Variants in RYR2 observed in about 807,000 individuals in gnomAD.
RYR2 encodes the protein cardiac muscle ryanodine receptor-calcium release channel.
A neutral mutation model predicts 601.1 loss-of-function variants in RYR2; 227 were observed. The ratio of observed to expected loss-of-function variants is 0.38; its 90% CI spans 0.34 to 0.42. The LOEUF (loss-of-function observed/expected upper bound fraction) is 0.42, where lower values mean the gene tolerates loss of function less well. RYR2 is among the 10% of genes least tolerant of loss of function. The pLI is 1.00. For synonymous variants in RYR2, 2,223 were observed against 2,175.1 expected (o/e 1.02, Z -0.61); for missense variants, 4,646 against 6,156.5 (o/e 0.75, Z 8.21).
In RYR2 at chr1:237,770,852, G is replaced by A. The variant is rs1553317322; in HGVS notation, c.11522G>A (p.Arg3841Gln). ...QDDEFTCDLFRFLQLLCEGHN... is the reference protein window; with the variant it reads ...QDDEFTCDLFQFLQLLCEGHN... The stretch of plus-strand genomic sequence containing the variant: ...GATGAGTTCACCTGTGACCTCTTCC[G>A]ATTCCTGCAACTACTCTGTGAGGGA... The change falls in exon 85 of 105, where the codon CGA becomes CAA. Residue 3841 changes from arginine (R) to glutamine (Q), a missense_variant. This residue lies in a region of RYR2 where 1,497 missense variants were observed against 1,842.6 expected (regional missense o/e 0.81). Coordinates refer to ENST00000366574, the MANE Select transcript of RYR2 (RefSeq NM_001035.3). 6.4e-7 allele frequency: 1 copy of A among 1,552,696 alleles called. No individual in the cohort carries two copies. The highest frequency in any genetic ancestry group is 8.7e-7 in the Non-Finnish European group (1 of 1,146,704).
chr1:237,414,927 T>C (rs1199996376), intron 10 of RYR2, among the ~76,000 whole-genome samples: 1 of 152,100 alleles, frequency 6.6e-6, no homozygotes, highest in Non-Finnish European at 1.5e-5. Context: ...GAGAGCCGCT[T>C]ACCTATGTCA....
chr1:237,220,000 T>C lies in RYR2; in HGVS notation c.49-50497T>C, dbSNP rs150007039. 6.9e-3 allele frequency among the ~76,000 whole-genome samples: 1,028 copies of C among 148,206 alleles called. 13 individuals are homozygous for C. The highest frequency in any genetic ancestry group is 0.021 in the African/African-American group (882 of 41,330). On this transcript the variant is annotated intron_variant, in intron 1 of 104. Transcript: ENST00000366574. Reference sequence around the variant, plus strand: ...GCATGCAAGTACTTTTAGCTGTGATTACTTGGTGTATAGTATGTTTGATTG... The same window carrying C: ...GCATGCAAGTACTTTTAGCTGTGATCACTTGGTGTATAGTATGTTTGATTG...
chr1:237,249,478 G>T (rs1228761429), intron 1 of RYR2, among the ~76,000 whole-genome samples: 1 of 152,100 alleles, frequency 6.6e-6, no homozygotes, highest in Admixed American at 6.6e-5. Flanking sequence ...AGTTTACAAA[G>T]GGCTTTCATA....
At chr1:237,070,209 T>C (rs1290313724) in intron 1 of RYR2, among the ~76,000 whole-genome samples, 3 of 151,962 alleles carry the variant, frequency 2.0e-5, no homozygotes, top group Admixed American at 6.6e-5. Flanking sequence ...GTTTAACTTT[T>C]TACCTTTCTA....
intron 4 of RYR2, among the ~76,000 whole-genome samples, chr1:237,362,857 A>G (rs1460682718): frequency 1.3e-5 from 2 of 152,110 alleles, no homozygotes; most frequent in African/African-American, 4.8e-5. Flanking sequence ...GCTATTTTTC[A>G]GTATTCATTC....
At chr1:237,333,914 ACCTCGTGTTGC>A (rs1696991941) in intron 3 of RYR2, among the ~76,000 whole-genome samples, 1 of 152,152 alleles carries the variant, frequency 6.6e-6, no homozygotes, top group African/African-American at 2.4e-5. Context: ...GTCAAAAAGA[ACCTCGTGTTGC>A]CCTGATTCCC....
At position 237,631,524 on chromosome 1, in the gene RYR2, G is replaced by A. The variant is rs1198954849; in HGVS notation, c.6538G>A (p.Gly2180Arg). ...GATGGAGGTCATGGTGAACGTCCTTGGAGGTGGAGAGTCCAAGGTAACGTC... is the reference window on the plus strand; with the variant it reads ...GATGGAGGTCATGGTGAACGTCCTTAGAGGTGGAGAGTCCAAGGTAACGTC... ...TVMEVMVNVL[G>R]GGESKEITFP... Residue 2180 changes from glycine (G) to arginine (R), a missense_variant, in exon 42 of 105, where the codon GGA becomes AGA. By Grantham distance (125) the Gly-to-Arg change is moderately radical. Transcript: ENST00000366574. 6.2e-7 allele frequency: 1 copy of A among 1,607,714 alleles called. No individual in the cohort carries two copies. The highest frequency in any genetic ancestry group is 8.5e-7 in the Non-Finnish European group (1 of 1,176,416).
chr1:237,188,928 C>T (rs1679666695), intron 1 of RYR2, among the ~76,000 whole-genome samples: 1 of 152,100 alleles, frequency 6.6e-6, no homozygotes, highest in Non-Finnish European at 1.5e-5. Context: ...CTTAGCCATC[C>T]TCAGGCATAT....
intron 1 of RYR2, among the ~76,000 whole-genome samples, chr1:237,262,412 T>G (rs965523408): frequency 2.0e-5 from 3 of 151,884 alleles, no homozygotes; most frequent in South Asian, 4.2e-4. Context: ...CACACCAGCA[T>G]GCCCAGCTAA....
chr1:237,316,582 T>A (rs1695138202), intron 2 of RYR2, among the ~76,000 whole-genome samples: 1 of 152,240 alleles, frequency 6.6e-6, no homozygotes. Flanking sequence ...CCTGTGTTCC[T>A]TACGTCAGCT....
At chr1:237,310,982 T>A (rs1694493444) in intron 2 of RYR2, among the ~76,000 whole-genome samples, 1 of 152,202 alleles carries the variant, frequency 6.6e-6, no homozygotes, top group Non-Finnish European at 1.5e-5. Context: ...ATCAATTTAG[T>A]AGGTATCTAT....
intron 20 of RYR2, among the ~76,000 whole-genome samples, chr1:237,497,807 G>A (rs772768119): frequency 1.3e-5 from 2 of 152,068 alleles, no homozygotes; most frequent in Non-Finnish European, 2.9e-5. Context: ...TTCATTGAGT[G>A]CCAATAGCTC....
intron 1 of RYR2, among the ~76,000 whole-genome samples, chr1:237,138,626 G>A (rs897965393): frequency 6.6e-6 from 1 of 152,078 alleles, no homozygotes; most frequent in African/African-American, 2.4e-5. Flanking sequence ...TATTTTCTAA[G>A]TTCAGATGTA....
chr1:237,061,794 G>C (rs563106207), intron 1 of RYR2, among the ~76,000 whole-genome samples: 40 of 151,680 alleles, frequency 2.6e-4, no homozygotes, highest in Admixed American at 5.9e-4. Context: ...TTTAAATCAT[G>C]GTTTGTGGTT....
intron 1 of RYR2, among the ~76,000 whole-genome samples, chr1:237,242,283 A>G (rs936550018): frequency 6.6e-6 from 1 of 151,858 alleles, no homozygotes; most frequent in African/African-American, 2.4e-5. Context: ...TTTAAAAAGT[A>G]GGAGAGACTT....
chr1:237,593,763 T>G, intron 33 of RYR2, 127 bp downstream of exon 33: 1 of 968,500 alleles, frequency 1.0e-6, no homozygotes, highest in Non-Finnish European at 1.5e-6. Context: ...ATCAAGCCAT[T>G]AATGTCAATG....
Position 237,254,492 on chromosome 1 carries a change from A to T in RYR2, c.49-16005A>T, listed in dbSNP as rs75678262. Among the ~76,000 whole-genome samples, 911 of 152,300 alleles carry T rather than the reference A, an allele frequency of 6.0e-3. 2 individuals carry two copies. The highest frequency in any genetic ancestry group is 0.014 in the Middle Eastern group (4 of 294). ...TTTTCAGTGTCCTTACTTAACATGG[A>T]ATAATCGTACACAGTGGTTTTCTTT... On this transcript the variant is annotated intron_variant, in intron 1 of 104. Transcript: ENST00000366574.
intron 1 of RYR2, among the ~76,000 whole-genome samples, chr1:237,191,254 C>T (rs1017947519): frequency 1.3e-5 from 2 of 152,136 alleles, no homozygotes; most frequent in Non-Finnish European, 1.5e-5. Flanking sequence ...GCTCTCTATT[C>T]TGTTCCATCG....
chr1:237,568,807 G>A (rs1482329044), intron 28 of RYR2, among the ~76,000 whole-genome samples: 10 of 152,170 alleles, frequency 6.6e-5, no homozygotes, highest in Admixed American at 1.3e-4. Context: ...ATTCATTGTC[G>A]CAGAAAAATG....
Sources: gnomAD v4.1 joint callset for allele counts (sites outside exome capture counted in the v4.1 genomes callset) on GRCh38, gnomAD v4.1.1 for gene constraint, gnomAD v4.1.1 regional missense constraint, MANE v1.5 for transcripts, NCBI Gene and HGNC (gene_info 2026-07-23, HGNC 2026-07-21) for gene names.